The following ARIH1 variants were observed in gnomAD, a reference collection of about 807,000 sequenced individuals.
The protein encoded by ARIH1 is E3 ubiquitin-protein ligase ARIH1.
Under a neutral mutation model 85.0 loss-of-function variants are expected in ARIH1, and 8 were observed. That is an observed-to-expected ratio of 0.09 (90% CI 0.06 to 0.17). The LOEUF (loss-of-function observed/expected upper bound fraction) is 0.17. Ranked by LOEUF, ARIH1 falls within the 10% of genes least tolerant of loss-of-function variation. ARIH1 has a pLI of 1.00. For synonymous variants in ARIH1, 238 were observed against 253.6 expected, an observed-to-expected ratio of 0.94 and a Z score of 0.59; for missense variants, 311 against 718.1, an observed-to-expected ratio of 0.43 and a Z score of 6.48.
chr15:72,573,124 T>G (rs769169120), intron 11 of ARIH1, among the ~76,000 whole-genome samples: 13 of 152,246 alleles, frequency 8.5e-5, no homozygotes, highest in Non-Finnish European at 1.9e-4. Context: ...TAAAATATGG[T>G]TTGCATCTGT....
At chr15:72,519,789 C>T (rs1175727629) in intron 2 of ARIH1, among the ~76,000 whole-genome samples, 3 of 151,908 alleles carry the variant, frequency 2.0e-5, no homozygotes, top group East Asian at 3.9e-4. Flanking sequence ...CAGCCCTGAC[C>T]GTATTTTTTG....
chr15:72,505,818 C>T (rs1305583817), intron 1 of ARIH1, among the ~76,000 whole-genome samples: 2 of 152,092 alleles, frequency 1.3e-5, no homozygotes, highest in African/African-American at 4.8e-5. Flanking sequence ...TCACTGCACC[C>T]TCTGCCTCCC....
intron 7 of ARIH1, among the ~76,000 whole-genome samples, chr15:72,564,031 T>C (rs980695130): frequency 1.3e-5 from 2 of 152,208 alleles, no homozygotes; most frequent in Admixed American, 6.5e-5. Flanking sequence ...TATTAGGGGA[T>C]GTCTTAATCA....
intron 7 of ARIH1, among the ~76,000 whole-genome samples, chr15:72,564,960 CATTT>C (rs1202755939): frequency 6.6e-6 from 1 of 152,108 alleles, no homozygotes; most frequent in African/African-American, 2.4e-5. Context: ...GGGACACAAA[CATTT>C]ATATCCTGCT....
chr15:72,554,075 ATATTT>A (rs2064164451), intron 3 of ARIH1, among the ~76,000 whole-genome samples: 2 of 152,196 alleles, frequency 1.3e-5, no homozygotes, highest in African/African-American at 2.4e-5. Context: ...TGGCTGAATA[ATATTT>A]TATTTATGGA....
At chr15:72,558,412 C>T (rs1206967942) in intron 5 of ARIH1, among the ~76,000 whole-genome samples, 9 of 152,192 alleles carry the variant, frequency 5.9e-5, no homozygotes, top group African/African-American at 2.2e-4. Flanking sequence ...AGCAATTCTC[C>T]TGCCTCAGCC....
At chr15:72,555,956 A>C (rs1430421411) in intron 5 of ARIH1, 49 bp downstream of exon 5, 18 of 1,523,368 alleles carry the variant, frequency 1.2e-5, no homozygotes, top group Non-Finnish European at 1.6e-5. Flanking sequence ...TAGTTGGTTA[A>C]ACCAAATTAA....
At chr15:72,479,969 G>A (rs545060575) in intron 1 of ARIH1, among the ~76,000 whole-genome samples, 2 of 151,846 alleles carry the variant, frequency 1.3e-5, no homozygotes, top group South Asian at 4.2e-4. Flanking sequence ...CTGGGTTCAC[G>A]CCATTCTTCT....
At chr15:72,539,886 A>T (rs2064098808) in intron 2 of ARIH1, among the ~76,000 whole-genome samples, 1 of 152,208 alleles carries the variant, frequency 6.6e-6, no homozygotes, top group African/African-American at 2.4e-5. Flanking sequence ...TAAACATTAG[A>T]ATTATGTCTA....
intron 2 of ARIH1, among the ~76,000 whole-genome samples, chr15:72,536,096 CAGTAAAGA>C (rs2064080752): frequency 6.6e-6 from 1 of 152,138 alleles, no homozygotes; most frequent in Non-Finnish European, 1.5e-5. Context: ...AGACAACCAC[CAGTAAAGA>C]TGACACATGT....
At chr15:72,557,662 T>C (rs1308643997) in intron 5 of ARIH1, among the ~76,000 whole-genome samples, 2 of 152,204 alleles carry the variant, frequency 1.3e-5, no homozygotes. Flanking sequence ...GATTTTCTTT[T>C]AAGATTTTTA....
intron 2 of ARIH1, among the ~76,000 whole-genome samples, chr15:72,537,170 T>G (rs2064086004): frequency 6.6e-6 from 1 of 152,132 alleles, no homozygotes; most frequent in African/African-American, 2.4e-5. Context: ...AGGTTTTCTA[T>G]CCTTAACTCC....
At chr15:72,563,186 G>A (rs541869454) in intron 6 of ARIH1, among the ~76,000 whole-genome samples, 4 of 152,084 alleles carry the variant, frequency 2.6e-5, no homozygotes, top group Non-Finnish European at 5.9e-5. Flanking sequence ...GTGTAGTCGG[G>A]ACTACAGGCA....
At chr15:72,524,466 G>A (rs1428687487) in intron 2 of ARIH1, among the ~76,000 whole-genome samples, 1 of 152,068 alleles carries the variant, frequency 6.6e-6, no homozygotes, top group African/African-American at 2.4e-5. Flanking sequence ...CGCCCACCTT[G>A]GCCTCCCAAA....
At chr15:72,483,929 T>C (rs1660695264) in intron 1 of ARIH1, among the ~76,000 whole-genome samples, 1 of 151,330 alleles carries the variant, frequency 6.6e-6, no homozygotes, top group Non-Finnish European at 1.5e-5. Flanking sequence ...CCCAGCACTT[T>C]GGGAGGCCGA....
intron 11 of ARIH1, among the ~76,000 whole-genome samples, chr15:72,573,670 C>T (rs1274257437): frequency 6.6e-6 from 1 of 151,640 alleles, no homozygotes; most frequent in East Asian, 1.9e-4. Flanking sequence ...CCTACAAATT[C>T]CAATATTGAT....
intron 2 of ARIH1, among the ~76,000 whole-genome samples, chr15:72,520,647 T>G (rs1302693677): frequency 6.6e-6 from 1 of 152,216 alleles, no homozygotes; most frequent in Non-Finnish European, 1.5e-5. Context: ...ATTTCAAATT[T>G]ATATATGTAT....
rs563521609 is a variant in ARIH1 at position 72,498,500 on chromosome 15, A to T, written c.376-19567A>T. ...CTGAGTGTTTTCAAAAGTTATGTTT[A>T]TATTTACATGTGTGTGAACTACCAT... On this transcript the variant is annotated intron_variant, in intron 1 of 13. Coordinates refer to ENST00000379887, the MANE Select transcript of ARIH1 (RefSeq NM_005744.5). Among the ~76,000 whole-genome samples the T allele has an allele frequency of 1.3e-4, 20 of 152,294 alleles. No homozygotes were observed. The East Asian group carries it at 3.7e-3, about 28-fold the overall frequency.
rs1271377415 is a variant in ARIH1 at position 72,587,896 on chromosome 15, T to A, written c.*4604T>A. On this transcript the variant is annotated 3_prime_UTR_variant, in exon 14 of 14. Transcript: ENST00000379887. ...TTAAGGCAACTATTGTTGACCTTTC[T>A]CTAGGCGGTAGCATTTAGGATGGGA... 6.6e-6 allele frequency: 1 copy of A among 152,234 alleles called. No individual in the cohort carries two copies. Among genetic ancestry groups the A allele is most frequent in the Non-Finnish European group, 1.5e-5 (1 of 68,032 alleles). 9.4% of individuals were successfully genotyped at this position (152,234 alleles called of 1,614,324 possible).
Sources: allele counts gnomAD v4.1 joint callset (sites outside exome capture counted in the v4.1 genomes callset), GRCh38; gene constraint gnomAD v4.1.1; transcripts MANE v1.5; gene names NCBI Gene and HGNC (gene_info 2026-07-23, HGNC 2026-07-21).